Variants in ATP6V1H observed in about 807,000 individuals in gnomAD.
The protein encoded by ATP6V1H is V-type proton ATPase subunit H.
A neutral mutation model predicts 71.7 loss-of-function variants in ATP6V1H; 39 were observed. The ratio of observed to expected loss-of-function variants is 0.54; its 90% CI spans 0.42 to 0.71. The LOEUF is 0.71. Among genes scored for constraint, ATP6V1H ranks in the 30% least tolerant of loss-of-function variants. ATP6V1H has a pLI of 0.00. For synonymous variants in ATP6V1H, 192 were observed against 199.3 expected, an observed-to-expected ratio of 0.96 and a Z score of 0.31; for missense variants, 509 against 594.9, an observed-to-expected ratio of 0.86 and a Z score of 1.50.
chr8:53,753,944 T>C (rs965873656), intron 12 of ATP6V1H, among the ~76,000 whole-genome samples: 4 of 152,128 alleles, frequency 2.6e-5, no homozygotes, highest in Non-Finnish European at 5.9e-5. Flanking sequence ...AGACAAAGGA[T>C]AGTTTATTGC....
intron 5 of ATP6V1H, among the ~76,000 whole-genome samples, chr8:53,816,562 C>G (rs994977175): frequency 6.6e-6 from 1 of 152,160 alleles, no homozygotes; most frequent in Admixed American, 6.5e-5. Context: ...CTCTGGGAGG[C>G]CGAGGCAGGC....
In ATP6V1H at chr8:53,839,589, T is replaced by C. The variant is rs1811279799; in HGVS notation, c.113+1989A>G. 4 of 984,760 alleles carry C rather than the reference T, an allele frequency of 4.1e-6. No homozygotes were observed. The South Asian group carries it at 1.9e-4, about 46-fold the overall frequency. 61.0% of individuals were successfully genotyped at this position (984,760 alleles called of 1,614,324 possible). On this transcript the variant is annotated intron_variant, in intron 2 of 13. Coordinates refer to ENST00000359530, the MANE Select transcript of ATP6V1H (RefSeq NM_015941.4). Reference sequence around the variant, plus strand: ...CAATACCTTGGTTACTGCTATAGCTTCTCTCTACCTCTAGACTTATCACCT... The same window carrying C: ...CAATACCTTGGTTACTGCTATAGCTCCTCTCTACCTCTAGACTTATCACCT...
At position 53,755,143 on chromosome 8, in the gene ATP6V1H, C is replaced by G. The variant is rs183767374; in HGVS notation, c.1277+1412G>C. The stretch of plus-strand genomic sequence containing the variant: ...GCACTGGCAACAGCTTGGGAGATCT[C>G]TCTGTTTTCCTTTGAGGAAAGCTCT... On this transcript the variant is annotated intron_variant, in intron 12 of 13. Coordinates refer to ENST00000359530, the MANE Select transcript of ATP6V1H (RefSeq NM_015941.4). Among the ~76,000 whole-genome samples the G allele has an allele frequency of 2.8e-3, 425 of 152,292 alleles. 2 individuals carry two copies. Among genetic ancestry groups the G allele is most frequent in the African/African-American group, 9.8e-3 (408 of 41,554 alleles).
intron 1 of ATP6V1H, 87 bp from the exon 2 acceptor site, chr8:53,841,812 C>T: frequency 8.1e-7 from 1 of 1,229,804 alleles, no homozygotes. Context: ...ATATCGTGAT[C>T]ACTTTAATCT....
At chr8:53,753,883 C>G (rs1463107606) in intron 12 of ATP6V1H, among the ~76,000 whole-genome samples, 2 of 152,156 alleles carry the variant, frequency 1.3e-5, no homozygotes, top group Admixed American at 6.5e-5. Flanking sequence ...AACAAGTTAG[C>G]CTGCCACAGT....
intron 5 of ATP6V1H, among the ~76,000 whole-genome samples, chr8:53,816,243 G>A (rs914177418): frequency 1.3e-5 from 2 of 152,084 alleles, no homozygotes; most frequent in African/African-American, 4.8e-5. Flanking sequence ...AGGGAGGGAG[G>A]GAGCAAGATA....
chr8:53,734,630 T>C (rs1295751107), intron 13 of ATP6V1H, among the ~76,000 whole-genome samples: 3 of 152,116 alleles, frequency 2.0e-5, no homozygotes, highest in Non-Finnish European at 2.9e-5. Context: ...CAGCAAGAAA[T>C]CCTGCAACTA....
chr8:53,771,408 A>G (rs187600561), intron 10 of ATP6V1H, among the ~76,000 whole-genome samples: 1 of 152,322 alleles, frequency 6.6e-6, no homozygotes, highest in East Asian at 1.9e-4. Context: ...GAATATGCAG[A>G]GCCCAATTTG....
intron 9 of ATP6V1H, among the ~76,000 whole-genome samples, chr8:53,773,066 C>T (rs1302703115): frequency 6.6e-6 from 1 of 152,098 alleles, no homozygotes; most frequent in Non-Finnish European, 1.5e-5. Context: ...AATCAATGCC[C>T]ACCAATCTTC....
In ATP6V1H at chr8:53,795,884, GA is replaced by G. The variant is rs1262232119; in HGVS notation, c.678-46del. 3 of 1,529,158 alleles carry G rather than the reference GA, an allele frequency of 2.0e-6. No individual in the cohort carries two copies. The Admixed American group carries it at 6.2e-5, about 32-fold the overall frequency. 94.7% of individuals were successfully genotyped at this position (1,529,158 alleles called of 1,614,324 possible). A position where few individuals can be genotyped will look rare whatever the true frequency, so the allele number is the denominator to read the frequency against. On this transcript the variant is annotated intron_variant, in intron 8 of 13. Transcript: ENST00000359530. ...AAAAAACACATTTACAAAACATTTAGAAAGAAGAAATAAGCAATTATTCTCT... is the reference window on the plus strand; with the variant it reads ...AAAAAACACATTTACAAAACATTTAGAAGAAGAAATAAGCAATTATTCTCT...
At chr8:53,814,048 A>C (rs1474985823) in intron 6 of ATP6V1H, among the ~76,000 whole-genome samples, 1 of 152,168 alleles carries the variant, frequency 6.6e-6, no homozygotes, top group East Asian at 1.9e-4. Flanking sequence ...ATGATCTAGA[A>C]CATGCTGTTT....
intron 9 of ATP6V1H, among the ~76,000 whole-genome samples, chr8:53,793,054 C>T (rs1809619479): frequency 1.3e-5 from 2 of 152,120 alleles, no homozygotes; most frequent in Admixed American, 6.5e-5. Context: ...TAACTACCGA[C>T]ACCTAGAAAA....
chr8:53,756,069 C>CTTTT (rs199967847), intron 12 of ATP6V1H, among the ~76,000 whole-genome samples: 17 of 96,580 alleles, frequency 1.8e-4, no homozygotes, highest in South Asian at 3.6e-4. Context: ...TTTTTCTTTT[C>CTTTT]TTTTTTTTTT....
intron 4 of ATP6V1H, among the ~76,000 whole-genome samples, chr8:53,823,238 C>G (rs1245370220): frequency 6.6e-6 from 1 of 151,964 alleles, no homozygotes; most frequent in Non-Finnish European, 1.5e-5. Context: ...TGATCATATA[C>G]TATAAAAAAA....
chr8:53,749,023 A>ATTATG lies in ATP6V1H; in HGVS notation c.1278-5338_1278-5334dup, dbSNP rs1430674132. Among the ~76,000 whole-genome samples, 5 of 152,358 alleles carry ATTATG rather than the reference A, an allele frequency of 3.3e-5. No homozygotes were observed. The East Asian group carries it at 7.7e-4, about 23-fold the overall frequency. Reference sequence around the variant, plus strand: ...TTGGTAGCTCTTTCCTTCAGCAAGTATTATGCCCTACTGTGTGGTGAACAC... The same window carrying ATTATG: ...TTGGTAGCTCTTTCCTTCAGCAAGTATTATGTTATGCCCTACTGTGTGGTGAACAC... On this transcript the variant is annotated intron_variant, in intron 12 of 13. Transcript: ENST00000359530.
chr8:53,715,597 A>G lies in ATP6V1H; in HGVS notation c.*367T>C, dbSNP rs933410215. The G allele has an allele frequency of 4.8e-5, 9 of 189,068 alleles. No individual in the cohort carries two copies. Among genetic ancestry groups the G allele is most frequent in the Non-Finnish European group, 9.7e-5 (9 of 92,732 alleles). 11.7% of individuals were successfully genotyped at this position (189,068 alleles called of 1,614,324 possible). ...ATTTGCCATTCACTACTTTGCAACAATTCTCCCAATTTGGTTTGAAAAGAG... is the reference window on the plus strand; with the variant it reads ...ATTTGCCATTCACTACTTTGCAACAGTTCTCCCAATTTGGTTTGAAAAGAG... On this transcript the variant is annotated 3_prime_UTR_variant, in exon 14 of 14. Coordinates refer to ENST00000359530, the MANE Select transcript of ATP6V1H (RefSeq NM_015941.4).
intron 13 of ATP6V1H, among the ~76,000 whole-genome samples, chr8:53,729,634 C>CT (rs1170450117): frequency 3.3e-5 from 5 of 152,228 alleles, no homozygotes; most frequent in Non-Finnish European, 1.5e-5. Context: ...GGAGCCCAGG[C>CT]TATTCCAGGC....
At chr8:53,733,153 TA>T (rs1456620887) in intron 13 of ATP6V1H, among the ~76,000 whole-genome samples, 1 of 152,222 alleles carries the variant, frequency 6.6e-6, no homozygotes, top group Non-Finnish European at 1.5e-5. Flanking sequence ...TCCAGACTCA[TA>T]ACCCTACTTA....
intron 4 of ATP6V1H, 108 bp from the exon 5 acceptor site, chr8:53,817,638 T>G: frequency 1.6e-6 from 1 of 615,734 alleles, no homozygotes; most frequent in Non-Finnish European, 2.8e-6. Flanking sequence ...CTTTTTTCAG[T>G]GTGTGTGTAT....
Sources: gnomAD v4.1 joint callset for allele counts (sites outside exome capture counted in the v4.1 genomes callset) on GRCh38, gnomAD v4.1.1 for gene constraint, MANE v1.5 for transcripts, NCBI Gene and HGNC (gene_info 2026-07-23, HGNC 2026-07-21) for gene names.